CDH1: variants seen among roughly 807,000 people sequenced by gnomAD.
CDH1 encodes cadherin-1.
In CDH1, 35 loss-of-function variants were observed where a neutral mutation model predicts 84.5. The ratio of observed to expected loss-of-function variants is 0.41; its 90% CI spans 0.32 to 0.55. CDH1 has a LOEUF of 0.55. Among genes scored for constraint, CDH1 ranks in the 20% least tolerant of loss-of-function variants. The pLI is 0.19. For synonymous variants in CDH1, 417 were observed against 439.0 expected, an observed-to-expected ratio of 0.95 and a Z score of 0.63; for missense variants, 994 against 1,126.6, an observed-to-expected ratio of 0.88 and a Z score of 1.68.
chr16:68,783,162 C>T (rs775812881), intron 2 of CDH1, among the ~76,000 whole-genome samples: 2 of 151,714 alleles, frequency 1.3e-5, no homozygotes, highest in African/African-American at 2.4e-5. Flanking sequence ...TTTGGGAGGC[C>T]GAGGCAGGCA....
At chr16:68,824,235 G>A (rs1033909779) in intron 13 of CDH1, among the ~76,000 whole-genome samples, 1 of 152,204 alleles carries the variant, frequency 6.6e-6, no homozygotes, top group Non-Finnish European at 1.5e-5. Flanking sequence ...GACCTCAGGT[G>A]ATCCACCCGC....
At chr16:68,742,791 G>A (rs1962603138) in intron 2 of CDH1, among the ~76,000 whole-genome samples, 1 of 152,170 alleles carries the variant, frequency 6.6e-6, no homozygotes, top group Non-Finnish European at 1.5e-5. Flanking sequence ...AATACAATTA[G>A]ACTTTTAAAA....
intron 2 of CDH1, among the ~76,000 whole-genome samples, chr16:68,748,508 G>A (rs1174132401): frequency 6.6e-6 from 1 of 152,238 alleles, no homozygotes; most frequent in East Asian, 1.9e-4. Context: ...CGGTATGGAT[G>A]CACCATAGGT....
chr16:68,750,181 G>A (rs1241937291), intron 2 of CDH1, among the ~76,000 whole-genome samples: 1 of 45,224 alleles, frequency 2.2e-5, no homozygotes, highest in Non-Finnish European at 6.0e-5. Flanking sequence ...GGCCTCTTTT[G>A]TCTTTTGCTT....
chr16:68,755,393 T>G (rs923178021), intron 2 of CDH1, among the ~76,000 whole-genome samples: 2 of 152,070 alleles, frequency 1.3e-5, no homozygotes, highest in African/African-American at 4.8e-5. Flanking sequence ...TAGTCAGGCA[T>G]TTTTCTTTTA....
chr16:68,751,080 T>G (rs1362323603), intron 2 of CDH1, among the ~76,000 whole-genome samples: 7 of 152,150 alleles, frequency 4.6e-5, no homozygotes, highest in Admixed American at 6.5e-5. Context: ...TCCCCACTTA[T>G]TCCTTCCCCT....
At chr16:68,812,302 T>A (rs1359138531) in intron 8 of CDH1, 39 bp downstream of exon 8, 1 of 1,610,088 alleles carries the variant, frequency 6.2e-7, no homozygotes, top group Admixed American at 1.7e-5. Flanking sequence ...CAAAGAAAGG[T>A]CTTTTGTTGT....
chr16:68,757,303 G>A (rs916368918), intron 2 of CDH1, among the ~76,000 whole-genome samples: 1 of 152,088 alleles, frequency 6.6e-6, no homozygotes, highest in Non-Finnish European at 1.5e-5. Flanking sequence ...TGGCCAGGCT[G>A]GTCCTGACCT....
At chr16:68,802,918 C>G (rs1960554248) in intron 3 of CDH1, among the ~76,000 whole-genome samples, 1 of 152,156 alleles carries the variant, frequency 6.6e-6, no homozygotes, top group Non-Finnish European at 1.5e-5. Flanking sequence ...AGTGCCTGGC[C>G]TTAGGTCTGG....
Position 68,754,956 on chromosome 16 carries a change from G to C in CDH1, c.163+16545G>C, listed in dbSNP as rs148849971. On this transcript the variant is annotated intron_variant, in intron 2 of 15. Transcript: ENST00000261769. ...GTCATCACTAAGAAGGATGGCATTT[G>C]TGTAAAGAAGAAGAAGTGAGGTGCT... is the stretch of plus-strand genomic sequence containing the variant. 5.3e-5 allele frequency among the ~76,000 whole-genome samples: 8 copies of C among 152,232 alleles called. No individual in the cohort carries two copies. The East Asian group carries it at 1.5e-3, about 29-fold the overall frequency.
At chr16:68,753,895 T>A (rs1597851526) in intron 2 of CDH1, among the ~76,000 whole-genome samples, 1 of 149,190 alleles carries the variant, frequency 6.7e-6, no homozygotes, top group South Asian at 2.1e-4. Context: ...GGCAGGCGGA[T>A]CATGAGGTCA....
intron 2 of CDH1, among the ~76,000 whole-genome samples, chr16:68,745,002 G>A (rs1038620414): frequency 1.3e-5 from 2 of 152,044 alleles, no homozygotes; most frequent in Admixed American, 6.6e-5. Flanking sequence ...AGAAACTGGC[G>A]TTTTTTTGCT....
intron 2 of CDH1, among the ~76,000 whole-genome samples, chr16:68,749,724 T>C (rs1433372046): frequency 6.6e-6 from 1 of 152,222 alleles, no homozygotes; most frequent in Non-Finnish European, 1.5e-5. Context: ...CGCCAGGTGA[T>C]GGCAGTGCTG....
intron 15 of CDH1, among the ~76,000 whole-genome samples, chr16:68,831,939 A>G (rs935272744): frequency 2.0e-5 from 3 of 152,178 alleles, no homozygotes; most frequent in Non-Finnish European, 4.4e-5. Context: ...AACTATAAAA[A>G]TAGTATGCTA....
At chr16:68,771,109 T>C (rs921214233) in intron 2 of CDH1, 1 of 152,206 alleles carries the variant, frequency 6.6e-6, no homozygotes, top group East Asian at 1.9e-4. Flanking sequence ...CGGGCTGGTG[T>C]GTGAGAAAGG....
In CDH1 at chr16:68,834,659, C is replaced by T. The variant is rs1961591202; in HGVS notation, c.*1160C>T. On this transcript the variant is annotated 3_prime_UTR_variant, in exon 16 of 16. Transcript: ENST00000261769. ...CCACATCTTGACTAGGTATTGTCTA[C>T]TCTGAAGACCTTTAATGGCTTCCCT... 1 of 238,642 alleles carries T rather than the reference C, an allele frequency of 4.2e-6. No individual in the cohort carries two copies. Among genetic ancestry groups the T allele is most frequent in the African/African-American group, 2.2e-5 (1 of 45,264 alleles). The allele number at this position is 238,642 out of a possible 1,614,324, so 14.8% of individuals were successfully genotyped here.
At chr16:68,820,618 G>T (rs1961115819) in intron 11 of CDH1, among the ~76,000 whole-genome samples, 1 of 152,142 alleles carries the variant, frequency 6.6e-6, no homozygotes, top group East Asian at 1.9e-4. Context: ...CCAGAGTGCT[G>T]GGATTACAGG....
intron 13 of CDH1, among the ~76,000 whole-genome samples, chr16:68,825,613 G>A (rs1024288655): frequency 1.3e-5 from 2 of 152,094 alleles, no homozygotes; most frequent in Non-Finnish European, 2.9e-5. Flanking sequence ...AATTGAGCAA[G>A]CCTTCTGGAC....
At chr16:68,779,283 CTCTGCCTCTT>C (rs1959811328) in intron 2 of CDH1, among the ~76,000 whole-genome samples, 1 of 152,222 alleles carries the variant, frequency 6.6e-6, no homozygotes, top group Admixed American at 6.5e-5. Flanking sequence ...CTTTGCCTCT[CTCTGCCTCTT>C]TACTCCCTGC....
Sources: allele counts gnomAD v4.1 joint callset (sites outside exome capture counted in the v4.1 genomes callset), GRCh38; gene constraint gnomAD v4.1.1; transcripts MANE v1.5; gene names NCBI Gene and HGNC (gene_info 2026-07-23, HGNC 2026-07-21).